The following NAV2 variants were observed in gnomAD, a reference collection of about 807,000 sequenced individuals.
NAV2 encodes the protein neuron navigator 2.
NAV2 carries 54 observed loss-of-function variants against 223.2 expected under a neutral mutation model. That is an observed-to-expected ratio of 0.24 (90% confidence interval 0.19 to 0.30). NAV2 has a LOEUF of 0.30. Among genes scored for constraint, NAV2 ranks in the 10% least tolerant of loss-of-function variants. The probability of loss-of-function intolerance (pLI) is 1.00; values close to 1 mark genes in which losing one functional copy is unlikely to be tolerated. For synonymous variants in NAV2, 1,279 were observed against 1,239.3 expected, an observed-to-expected ratio of 1.03 and a Z score of -0.67; for missense variants, 2,806 against 3,147.5, an observed-to-expected ratio of 0.89 and a Z score of 2.60.
intron 1 of NAV2, among the ~76,000 whole-genome samples, chr11:19,794,064 T>C (rs1372233955): frequency 6.6e-6 from 1 of 152,206 alleles, no homozygotes; most frequent in African/African-American, 2.4e-5. Context: ...CTCACTCAAC[T>C]TGTAGATGAG....
intron 11 of NAV2, among the ~76,000 whole-genome samples, chr11:20,021,542 C>T (rs114794364): frequency 0.013 from 1,927 of 152,230 alleles, 46 homozygotes; most frequent in African/African-American, 0.044. Flanking sequence ...GAAGTAATAT[C>T]GTAAAGATAC....
Position 19,582,482 on chromosome 11 carries a change from G to T in NAV2, c.75+231455G>T, listed in dbSNP as rs1433514293. Among the ~76,000 whole-genome samples the T allele has an allele frequency of 2.0e-5, 3 of 152,082 alleles. No homozygotes were observed. In the South Asian group the frequency reaches 6.2e-4, roughly 32 times the overall value. On this transcript the variant is annotated intron_variant, in intron 1 of 37. Transcript: ENST00000360655. Reference sequence around the variant, plus strand: ...TGGTATTGCCTAGGTTTTCTTCTAGGGTTTTTATGGTTTTAGGCCTAACAT... The same window carrying T: ...TGGTATTGCCTAGGTTTTCTTCTAGTGTTTTTATGGTTTTAGGCCTAACAT...
upstream of NAV2, among the ~76,000 whole-genome samples, chr11:19,346,028 T>A (rs1215053119): frequency 6.6e-6 from 1 of 151,838 alleles, no homozygotes; most frequent in African/African-American, 2.4e-5. Context: ...GTTTTCGGTC[T>A]GTGTGTCCTC....
At chr11:20,022,938 C>A in intron 11 of NAV2, 1 of 1,330,834 alleles carries the variant, frequency 7.5e-7, no homozygotes, top group Non-Finnish European at 1.0e-6. Context: ...TCTTTCCTGG[C>A]CTGGGGAATG....
rs144820447 is a variant in NAV2, at chr11:19,444,672, A to T, written c.75+93645A>T. ...TTGGATCTTACCTGTTAAAGCAGCT[A>T]ATACTACCTTAATAATTACATTGTT... is the stretch of plus-strand genomic sequence containing the variant. On this transcript the variant is annotated intron_variant, in intron 1 of 37. Transcript: ENST00000360655. 6.6e-3 allele frequency among the ~76,000 whole-genome samples: 1,006 copies of T among 152,058 alleles called. 12 individuals carry two copies. The highest frequency in any genetic ancestry group is 0.023 in the African/African-American group (952 of 41,498).
intron 1 of NAV2, among the ~76,000 whole-genome samples, chr11:19,627,084 T>C (rs1332086398): frequency 6.6e-6 from 1 of 152,112 alleles, no homozygotes; most frequent in African/African-American, 2.4e-5. Flanking sequence ...TATAATCAGT[T>C]GAAGGTCAAG....
At chr11:19,450,797 G>A (rs1308947286) in intron 1 of NAV2, among the ~76,000 whole-genome samples, 1 of 152,134 alleles carries the variant, frequency 6.6e-6, no homozygotes, top group South Asian at 2.1e-4. Context: ...TCACCAAATG[G>A]CATGGATTTT....
intron 1 of NAV2, among the ~76,000 whole-genome samples, chr11:19,414,157 T>C (rs933876151): frequency 2.0e-5 from 3 of 152,228 alleles, no homozygotes; most frequent in African/African-American, 7.2e-5. Flanking sequence ...ATCTATGTGC[T>C]GTATTCAGGA....
chr11:19,884,440 G>T (rs766216237), intron 5 of NAV2: 50 of 1,312,694 alleles, frequency 3.8e-5, no homozygotes, highest in Middle Eastern at 1.8e-4. Flanking sequence ...TTCTGGCTGA[G>T]TTTGCCTTTG....
rs565236555 is a variant in NAV2, at chr11:19,976,802, G to A, written c.2646-7323G>A. ...TGTGTGTTCTCCTGGGGGATGGCTC[G>A]TGGCCATTGAAGAAACTTTGCAGCA... is the stretch of plus-strand genomic sequence containing the variant. On this transcript the variant is annotated intron_variant, in intron 10 of 37. Transcript: ENST00000349880. 1.5e-4 allele frequency among the ~76,000 whole-genome samples: 23 copies of A among 152,300 alleles called. No homozygotes were observed. The South Asian group carries it at 3.7e-3, about 25-fold the overall frequency.
intron 30 of NAV2, 30 bp from the exon 31 acceptor site, chr11:20,097,547 G>T: frequency 1.3e-6 from 2 of 1,537,632 alleles, no homozygotes; most frequent in South Asian, 1.3e-5. Flanking sequence ...CCACATCTTT[G>T]ATGGGGTCTT....
rs548115951 is a variant in NAV2 at position 19,630,129 on chromosome 11, C to G, written c.76-202355C>G. Among the ~76,000 whole-genome samples the G allele has an allele frequency of 4.6e-5, 7 of 152,194 alleles. No homozygotes were observed. The South Asian group carries it at 1.2e-3, about 27-fold the overall frequency. On this transcript the variant is annotated intron_variant, in intron 1 of 37. Transcript: ENST00000360655. ...CCCCCAACTCTGAGTCCCTAGTATA[C>G]CCAGTATACACAGCCTGGCACAAAG... is the stretch of plus-strand genomic sequence containing the variant.
At chr11:19,992,713 G>A (rs758613101) in intron 11 of NAV2, among the ~76,000 whole-genome samples, 1 of 149,838 alleles carries the variant, frequency 6.7e-6, no homozygotes, top group African/African-American at 2.5e-5. Flanking sequence ...TCAGCCTCCT[G>A]AGTAGCTGGG....
intron 1 of NAV2, among the ~76,000 whole-genome samples, chr11:19,824,161 C>T (rs1293943808): frequency 1.3e-5 from 2 of 152,152 alleles, no homozygotes; most frequent in Non-Finnish European, 2.9e-5. Flanking sequence ...CTTATATGAT[C>T]TCATTTAATC....
intron 1 of NAV2, among the ~76,000 whole-genome samples, chr11:19,423,174 G>A (rs368094754): frequency 1.9e-4 from 29 of 152,336 alleles, no homozygotes; most frequent in Middle Eastern, 3.4e-3. Context: ...TATTTTGGTA[G>A]CTTCAGCAAA....
intron 1 of NAV2, among the ~76,000 whole-genome samples, chr11:19,482,546 T>C (rs1471012260): frequency 6.6e-6 from 1 of 152,166 alleles, no homozygotes; most frequent in Admixed American, 6.5e-5. Context: ...GGCATGTTGC[T>C]GTTGATGACT....
At chr11:20,072,529 A>T (rs1430619266) in intron 22 of NAV2, among the ~76,000 whole-genome samples, 1 of 152,184 alleles carries the variant, frequency 6.6e-6, no homozygotes, top group Non-Finnish European at 1.5e-5. Flanking sequence ...TTTGGGCAGT[A>T]TGGCCATTTT....
At chr11:19,701,992 C>T (rs2049523019) in intron 1 of NAV2, among the ~76,000 whole-genome samples, 1 of 152,194 alleles carries the variant, frequency 6.6e-6, no homozygotes, top group Non-Finnish European at 1.5e-5. Context: ...ACTAGAATTC[C>T]CTTTTACATG....
intron 1 of NAV2, among the ~76,000 whole-genome samples, chr11:19,676,717 T>G (rs1396290222): frequency 2.0e-5 from 3 of 152,188 alleles, no homozygotes; most frequent in Non-Finnish European, 4.4e-5. Flanking sequence ...TGTTGGCACT[T>G]TGGCTCTCAG....
Sources: gnomAD v4.1 joint callset for allele counts (sites outside exome capture counted in the v4.1 genomes callset) on GRCh38, gnomAD v4.1.1 for gene constraint, MANE v1.5 for transcripts, NCBI Gene and HGNC (gene_info 2026-07-23, HGNC 2026-07-21) for gene names.